The following HMGCLL1 variants were observed in gnomAD, a reference collection of about 807,000 sequenced individuals.
The protein encoded by HMGCLL1 is 3-hydroxymethyl-3-methylglutaryl-CoA lyase, cytoplasmic.
In HMGCLL1, 36 loss-of-function variants were observed where a neutral mutation model predicts 39.1. The ratio of observed to expected loss-of-function variants is 0.92; its 90% CI spans 0.71 to 1.22. The LOEUF is 1.22. HMGCLL1 is among the 50% of genes most tolerant of loss of function. HMGCLL1 has a pLI of 0.00. For missense variants in HMGCLL1, 451 were observed against 416.5 expected, an observed-to-expected ratio of 1.08 and a Z score of -0.72; for synonymous variants, 149 against 144.0, an observed-to-expected ratio of 1.03 and a Z score of -0.25.
chr6:55,556,446 T>C (rs1770671219), intron 1 of HMGCLL1, among the ~76,000 whole-genome samples: 1 of 152,122 alleles, frequency 6.6e-6, no homozygotes, highest in Non-Finnish European at 1.5e-5. Flanking sequence ...AAGGGAAATG[T>C]GCCCAGGGTG....
intron 5 of HMGCLL1, chr6:55,513,640 A>G (rs1767580455): frequency 5.7e-6 from 1 of 174,682 alleles, no homozygotes; most frequent in Non-Finnish European, 1.2e-5. Context: ...TACATAAAAT[A>G]CTCTTTGAAG....
At chr6:55,677,596 C>A in the HMGCLL1 span, among the ~76,000 whole-genome samples, 1 of 152,146 alleles carries the variant, frequency 6.6e-6, no homozygotes, top group East Asian at 1.9e-4. Flanking sequence ...TAAAGTAATT[C>A]TTCAGTTACA....
intron 7 of HMGCLL1, among the ~76,000 whole-genome samples, chr6:55,475,243 G>C (rs566659431): frequency 9.9e-5 from 15 of 151,630 alleles, no homozygotes; most frequent in African/African-American, 3.6e-4. Flanking sequence ...TATTTCAAGT[G>C]ATTATTCTTT....
the HMGCLL1 span, among the ~76,000 whole-genome samples, chr6:55,597,227 A>G: frequency 6.6e-6 from 1 of 152,136 alleles, no homozygotes; most frequent in Non-Finnish European, 1.5e-5. Flanking sequence ...CAATAAACTT[A>G]ATAATATTTC....
At chr6:55,582,867 G>A (rs962036634), upstream of HMGCLL1, among the ~76,000 whole-genome samples, 4 of 151,690 alleles carry the variant, frequency 2.6e-5, no homozygotes, top group Admixed American at 6.6e-5. Context: ...CTGTATATAT[G>A]TATACATATA....
the HMGCLL1 span, among the ~76,000 whole-genome samples, chr6:55,598,508 C>A: frequency 6.6e-6 from 1 of 152,152 alleles, no homozygotes; most frequent in Non-Finnish European, 1.5e-5. Flanking sequence ...CCTGTTACCA[C>A]GCTAACATAG....
intron 1 of HMGCLL1, among the ~76,000 whole-genome samples, chr6:55,551,120 G>A (rs1307787775): frequency 6.6e-6 from 1 of 150,774 alleles, no homozygotes; most frequent in East Asian, 1.9e-4. Context: ...AATACTAAGA[G>A]AACTATATAA....
intron 3 of HMGCLL1, among the ~76,000 whole-genome samples, chr6:55,539,937 AGGAGAAGGAAG>A (rs1235111407): frequency 2.3e-5 from 3 of 131,632 alleles, no homozygotes; most frequent in Non-Finnish European, 4.9e-5. Context: ...GATGAGGAGG[AGGAGAAGGAAG>A]GAAGGAAGGA....
At chr6:55,625,350 G>T in the HMGCLL1 span, among the ~76,000 whole-genome samples, 4 of 152,076 alleles carry the variant, frequency 2.6e-5, no homozygotes, top group African/African-American at 7.2e-5. Context: ...GACTCGAGAA[G>T]GTCCTGAAGG....
At chr6:55,664,684 C>T in the HMGCLL1 span, among the ~76,000 whole-genome samples, 3 of 151,690 alleles carry the variant, frequency 2.0e-5, no homozygotes, top group African/African-American at 7.3e-5. Context: ...CTGGACAAGG[C>T]TTAGCTGAAT....
intron 1 of HMGCLL1, chr6:55,577,088 C>A (rs771644914): frequency 6.2e-7 from 1 of 1,613,458 alleles, no homozygotes; most frequent in South Asian, 1.1e-5. Flanking sequence ...CCAGTGGATA[C>A]AAGCCACCGT....
chr6:55,671,724 T>C, the HMGCLL1 span, among the ~76,000 whole-genome samples: 1 of 151,824 alleles, frequency 6.6e-6, no homozygotes, highest in African/African-American at 2.4e-5. Flanking sequence ...GGATGAAAAT[T>C]CAACTTTTAT....
chr6:55,462,021 C>A (rs1764588401), intron 7 of HMGCLL1, among the ~76,000 whole-genome samples: 1 of 152,106 alleles, frequency 6.6e-6, no homozygotes, highest in African/African-American at 2.4e-5. Context: ...CCAAATACAG[C>A]AAATCAACAC....
At chr6:55,655,136 A>G in the HMGCLL1 span, among the ~76,000 whole-genome samples, 4 of 151,796 alleles carry the variant, frequency 2.6e-5, no homozygotes, top group African/African-American at 7.2e-5. Flanking sequence ...CAGATAAGCT[A>G]TTTTCCCAAT....
chr6:55,600,608 A>T, the HMGCLL1 span, among the ~76,000 whole-genome samples: 1 of 152,154 alleles, frequency 6.6e-6, no homozygotes, highest in African/African-American at 2.4e-5. Flanking sequence ...TCTTTTTGTT[A>T]ATGGACAGCC....
chr6:55,500,785 G>A (rs1251670873), intron 5 of HMGCLL1, among the ~76,000 whole-genome samples: 2 of 151,884 alleles, frequency 1.3e-5, no homozygotes, highest in Non-Finnish European at 1.5e-5. Flanking sequence ...TGGAGAAGGT[G>A]GCTAAGGATG....
intron 7 of HMGCLL1, among the ~76,000 whole-genome samples, chr6:55,466,878 C>A (rs73746307): frequency 0.21 from 31,262 of 151,920 alleles, 4,073 homozygotes; most frequent in African/African-American, 0.38. Flanking sequence ...TCCTCCATCA[C>A]CTGCTGGATA....
At chr6:55,650,616 C>T in the HMGCLL1 span, among the ~76,000 whole-genome samples, 1 of 151,946 alleles carries the variant, frequency 6.6e-6, no homozygotes, top group Non-Finnish European at 1.5e-5. Context: ...AAGGTCTTTC[C>T]CTTCAGCATG....
At chr6:55,534,402 A>G (rs763709813) in intron 3 of HMGCLL1, among the ~76,000 whole-genome samples, 2 of 152,144 alleles carry the variant, frequency 1.3e-5, no homozygotes, top group Non-Finnish European at 2.9e-5. Flanking sequence ...GACTCAACTA[A>G]TAGCTTATGA....
Sources: gnomAD v4.1 joint callset for allele counts (sites outside exome capture counted in the v4.1 genomes callset) on GRCh38, gnomAD v4.1.1 for gene constraint, MANE v1.5 for transcripts, NCBI Gene and HGNC (gene_info 2026-07-23, HGNC 2026-07-21) for gene names.